GNG2: variants seen among roughly 807,000 people sequenced by gnomAD.
GNG2 encodes guanine nucleotide-binding protein G(I)/G(S)/G(O) subunit gamma-2.
GNG2 carries 5 observed loss-of-function variants against 5.5 expected under a neutral mutation model. The ratio of observed to expected loss-of-function variants is 0.91; its 90% CI spans 0.48 to 1.92. The LOEUF (loss-of-function observed/expected upper bound fraction) is 1.92. GNG2 is among the 30% of genes most tolerant of loss of function. GNG2 has a pLI of 0.01. For synonymous variants in GNG2, 28 were observed against 32.0 expected, an observed-to-expected ratio of 0.88 and a Z score of 0.42; for missense variants, 55 against 88.4, an observed-to-expected ratio of 0.62 and a Z score of 1.52.
intron 2 of GNG2, among the ~76,000 whole-genome samples, chr14:51,846,968 G>A (rs1012372331): frequency 6.6e-6 from 1 of 152,164 alleles, no homozygotes; most frequent in Non-Finnish European, 1.5e-5. Flanking sequence ...GGATCCCACT[G>A]CATCTACATG....
chr14:51,839,941 C>G (rs1247001915), intron 2 of GNG2, among the ~76,000 whole-genome samples: 1 of 149,422 alleles, frequency 6.7e-6, no homozygotes, highest in Non-Finnish European at 1.5e-5. Context: ...AACAGTCTTG[C>G]AACTTCAGCG....
Position 51,910,318 on chromosome 14 carries a change from G to T in GNG2, c.-30+32661G>T, listed in dbSNP as rs538166551. 9.9e-5 allele frequency among the ~76,000 whole-genome samples: 15 copies of T among 152,284 alleles called. No homozygotes were observed. In the South Asian group the frequency reaches 2.9e-3, roughly 29 times the overall value. ...GCAAAGGCCCTGAGGCAGGAAAGAGGGGGGCTAGCTAAGGAACTGAAAAAG... is the reference window on the plus strand; with the variant it reads ...GCAAAGGCCCTGAGGCAGGAAAGAGTGGGGCTAGCTAAGGAACTGAAAAAG... On this transcript the variant is annotated intron_variant, in intron 2 of 3. Transcript: ENST00000556766.
At chr14:51,870,276 GT>G (rs1883214537) in intron 1 of GNG2, among the ~76,000 whole-genome samples, 1 of 151,988 alleles carries the variant, frequency 6.6e-6, no homozygotes, top group African/African-American at 2.4e-5. Flanking sequence ...TGTTTTTGTT[GT>G]TAGCAATGAT....
At chr14:51,828,651 G>A (rs1021036025) in intron 2 of GNG2, among the ~76,000 whole-genome samples, 3 of 152,124 alleles carry the variant, frequency 2.0e-5, no homozygotes, top group South Asian at 4.1e-4. Flanking sequence ...GCATCCTAAC[G>A]GCCACAAGAT....
intron 2 of GNG2, among the ~76,000 whole-genome samples, chr14:51,915,466 C>A (rs758865915): frequency 3.3e-5 from 5 of 152,086 alleles, no homozygotes; most frequent in Non-Finnish European, 2.9e-5. Context: ...CTAAGCTGCT[C>A]TGAGGATATG....
intron 2 of GNG2, among the ~76,000 whole-genome samples, chr14:51,845,513 G>T (rs1881598805): frequency 6.6e-6 from 1 of 152,102 alleles, no homozygotes; most frequent in Non-Finnish European, 1.5e-5. Flanking sequence ...AATATCCATG[G>T]ATCTTTAAAC....
intron 1 of GNG2, among the ~76,000 whole-genome samples, chr14:51,869,987 C>T (rs1027891877): frequency 4.6e-5 from 7 of 152,218 alleles, no homozygotes; most frequent in African/African-American, 1.7e-4. Flanking sequence ...GTCATCAGAC[C>T]CCAGCAAAAG....
At chr14:51,875,666 C>CAT (rs1404038017) in intron 1 of GNG2, among the ~76,000 whole-genome samples, 2 of 150,194 alleles carry the variant, frequency 1.3e-5, no homozygotes, top group African/African-American at 4.9e-5. Flanking sequence ...CATGTTAGTG[C>CAT]ATATATATTA....
intron 2 of GNG2, among the ~76,000 whole-genome samples, chr14:51,836,730 G>A (rs952266394): frequency 2.6e-5 from 4 of 151,388 alleles, no homozygotes; most frequent in African/African-American, 7.3e-5. Context: ...AAATCATAAG[G>A]CAAATTTATA....
At chr14:51,943,378 TA>T (rs1888459033) in intron 2 of GNG2, among the ~76,000 whole-genome samples, 2 of 152,148 alleles carry the variant, frequency 1.3e-5, no homozygotes. Context: ...TATTCTCTCT[TA>T]AAAAAACTTC....
chr14:51,910,242 T>G (rs919054746), intron 2 of GNG2, among the ~76,000 whole-genome samples: 8 of 151,658 alleles, frequency 5.3e-5, no homozygotes, highest in Non-Finnish European at 1.2e-4. Flanking sequence ...ATTAAGAGAG[T>G]TGCTGGTAGA....
At chr14:51,890,314 T>C (rs10498439) in intron 2 of GNG2, among the ~76,000 whole-genome samples, 3,642 of 152,294 alleles carry the variant, frequency 0.024, 149 homozygotes, top group African/African-American at 0.083. Flanking sequence ...ACGAGATTTG[T>C]GGTTGAGAAA....
At chr14:51,915,710 A>C (rs968210956) in intron 2 of GNG2, among the ~76,000 whole-genome samples, 1 of 152,186 alleles carries the variant, frequency 6.6e-6, no homozygotes, top group Non-Finnish European at 1.5e-5. Flanking sequence ...ACTAAATGCT[A>C]TTTGGAAAAA....
intron 2 of GNG2, among the ~76,000 whole-genome samples, chr14:51,902,818 G>A (rs1885655736): frequency 6.6e-6 from 1 of 152,130 alleles, no homozygotes; most frequent in African/African-American, 2.4e-5. Context: ...AGTCTGGCAG[G>A]TCGAGGCTGC....
chr14:51,862,538 C>T (rs1321387537), intron 1 of GNG2, among the ~76,000 whole-genome samples: 2 of 152,218 alleles, frequency 1.3e-5, no homozygotes, highest in African/African-American at 4.8e-5. Context: ...GACAGGCTTA[C>T]CCTTTGGTAC....
chr14:51,892,786 G>A (rs1884944705), intron 2 of GNG2, among the ~76,000 whole-genome samples: 1 of 152,096 alleles, frequency 6.6e-6, no homozygotes, highest in East Asian at 1.9e-4. Context: ...TCATAAATGT[G>A]TAATAAACAT....
At chr14:51,964,871 C>A (rs1421070030) in intron 3 of GNG2, among the ~76,000 whole-genome samples, 2 of 152,130 alleles carry the variant, frequency 1.3e-5, no homozygotes, top group South Asian at 2.1e-4. Flanking sequence ...TGGTGGCATG[C>A]ACCTGTAGTC....
At chr14:51,826,590 T>C (rs1881035747) in intron 1 of GNG2, among the ~76,000 whole-genome samples, 1 of 152,222 alleles carries the variant, frequency 6.6e-6, no homozygotes, top group Non-Finnish European at 1.5e-5. Context: ...GTGATGTGGG[T>C]GGCGGAATGG....
At position 51,966,231 on chromosome 14, in the gene GNG2, A is replaced by AAAAAAAAAAG. The variant is rs61013183; in HGVS notation, c.88-322_88-321insAAAGAAAAAA. Reference sequence around the variant, plus strand: ...TCTCAAAAAAAAAAAAAAAAAAAAAAAAAAAACAAATGAAGGAGACAGCCA... The same window carrying AAAAAAAAAAG: ...TCTCAAAAAAAAAAAAAAAAAAAAAAAAAAAAAAAGAAAAAACAAATGAAGGAGACAGCCA... On this transcript the variant is annotated intron_variant, in intron 3 of 3. Transcript: ENST00000556766. Among the ~76,000 whole-genome samples the AAAAAAAAAAG allele has an allele frequency of 2.9e-4, 31 of 108,574 alleles. 2 individuals carry two copies. The highest frequency in any genetic ancestry group is 6.0e-4 in the South Asian group (2 of 3,342). 71.2% of individuals were successfully genotyped at this position (108,574 alleles called of 152,430 possible). A position where few individuals can be genotyped will look rare whatever the true frequency, so the allele number is the denominator to read the frequency against.
Sources: gnomAD v4.1 joint callset for allele counts (sites outside exome capture counted in the v4.1 genomes callset) on GRCh38, gnomAD v4.1.1 for gene constraint, MANE v1.5 for transcripts, NCBI Gene and HGNC (gene_info 2026-07-23, HGNC 2026-07-21) for gene names.